The following OR7G2 variants were observed in gnomAD, a reference collection of about 807,000 sequenced individuals.
OR7G2 encodes the protein olfactory receptor family 7 subfamily G member 2, also known as olfactory receptor 7G2.
For missense variants in OR7G2, 362 were observed against 384.0 expected (o/e 0.94, Z 0.48); for synonymous variants, 153 against 152.2 (o/e 1.01, Z -0.04).
rs1466310337 is a variant in OR7G2 at position 9,100,546 on chromosome 19, T to C, written c.*1723A>G. ...ACTGTGCCCAGCCCAGGGCTCCTAT[T>C]CTTTAAACTGGAACCTAAGGTATCC... On this transcript the variant is annotated 3_prime_UTR_variant, in exon 2 of 2. Transcript: ENST00000641081. The C allele has an allele frequency of 6.6e-6, 1 of 152,068 alleles. No homozygotes were observed. Among genetic ancestry groups the C allele is most frequent in the Non-Finnish European group, 1.5e-5 (1 of 68,000 alleles). 9.4% of individuals were successfully genotyped at this position (152,068 alleles called of 1,614,324 possible).
chr19:9,103,467 G>A (rs1291344110), intron 1 of OR7G2, among the ~76,000 whole-genome samples: 3 of 150,868 alleles, frequency 2.0e-5, no homozygotes, highest in Non-Finnish European at 2.9e-5. Flanking sequence ...ATTTACTTAG[G>A]AATGGAGTTT....
chr19:9,105,724 G>A (rs1259448208), intron 1 of OR7G2, among the ~76,000 whole-genome samples: 1 of 152,006 alleles, frequency 6.6e-6, no homozygotes, highest in East Asian at 1.9e-4. Context: ...GCATGCACCT[G>A]CAATCCCAGC....
Position 9,103,099 on chromosome 19 carries a change from C to A in OR7G2, c.145G>T (p.Val49Phe). 1 of 1,614,036 alleles carries A rather than the reference C, an allele frequency of 6.2e-7. No individual in the cohort carries two copies. The highest frequency in any genetic ancestry group is 8.5e-7 in the Non-Finnish European group (1 of 1,180,006). Residue 49 changes from valine (V) to phenylalanine (F), a missense_variant, in exon 2 of 2, where the codon GTC becomes TTC. Physicochemically the swap from Val to Phe is conservative, Grantham distance 50 (BLOSUM62 -1). Coordinates refer to ENST00000641081, the MANE Select transcript of OR7G2 (RefSeq NM_001005193.2). ...GTGTGGAGGTGAGAGTCAGAGATGA[C>A]AGCCAAGAGGATGAGCAGGTTCCCC... ...ILGNLLILLA[V>F]ISDSHLHTPM...
At position 9,102,656 on chromosome 19, in the gene OR7G2, G is replaced by A. The variant is rs1721915129; in HGVS notation, c.588C>T (p.Asn196=). 1.2e-6 allele frequency: 2 copies of A among 1,614,062 alleles called. No individual in the cohort carries two copies. Among genetic ancestry groups the A allele is most frequent in the African/African-American group, 1.3e-5 (1 of 74,928 alleles). The change falls in exon 2 of 2, where the codon AAC becomes AAT. Residue 196 remains asparagine, a synonymous_variant. Transcript: ENST00000641081. ...TGCAAGCTGCAAAATATATCAGGAT[G>A]TTATTGATGAGGGTGTCTGAACAGG... ...QLTCSDTLIN[N]ILIYFAACIF...
At chr19:9,105,079 T>C (rs2050378682) in intron 1 of OR7G2, among the ~76,000 whole-genome samples, 1 of 151,916 alleles carries the variant, frequency 6.6e-6, no homozygotes, top group African/African-American at 2.4e-5. Context: ...CAAGCTATTT[T>C]CCTGCCTCGT....
intron 1 of OR7G2, 72 bp from the exon 2 acceptor site, chr19:9,103,331 A>C (rs1383304338): frequency 6.6e-7 from 1 of 1,523,564 alleles, no homozygotes; most frequent in Admixed American, 1.7e-5. Flanking sequence ...ACAGAAACGC[A>C]AAATCTTGCT....
chr19:9,105,755 G>T (rs760881033), intron 1 of OR7G2, among the ~76,000 whole-genome samples: 3 of 152,032 alleles, frequency 2.0e-5, no homozygotes, highest in Non-Finnish European at 4.4e-5. Flanking sequence ...GCTGAGGCAG[G>T]AGAATCTCTT....
At chr19:9,105,076 T>G (rs1480631396) in intron 1 of OR7G2, among the ~76,000 whole-genome samples, 1 of 151,914 alleles carries the variant, frequency 6.6e-6, no homozygotes, top group Non-Finnish European at 1.5e-5. Context: ...GTTCAAGCTA[T>G]TTTCCTGCCT....
At position 9,103,051 on chromosome 19, in the gene OR7G2, T is replaced by C; in HGVS notation, c.193A>G (p.Asn65Asp). ...AAACAAATGTCCAAAAAGGAGAGAT[T>C]GGAGAGGAAGAAGTACATGGGGGTG... ...LHTPMYFFLS[N>D]LSFLDICLST... Residue 65 changes from asparagine (N) to aspartate (D), a missense_variant, in exon 2 of 2, where the codon AAT (asparagine) becomes GAT (aspartate). Transcript: ENST00000641081. 6.2e-7 allele frequency: 1 copy of C among 1,613,798 alleles called. No individual in the cohort carries two copies. The highest frequency in any genetic ancestry group is 1.6e-4 in the Middle Eastern group (1 of 6,062).
Position 9,102,218 on chromosome 19 carries a change from CA to C in OR7G2, c.*50del. ...CTCCATCTCAGAGAAAAAAACAAAA[CA>C]AAACAAAGAGTCAGGCATTCTAGCT... On this transcript the variant is annotated 3_prime_UTR_variant, in exon 2 of 2. Transcript: ENST00000641081. 1 of 1,501,194 alleles carries C rather than the reference CA, an allele frequency of 6.7e-7. No homozygotes were observed. The highest frequency in any genetic ancestry group is 1.9e-4 in the Middle Eastern group (1 of 5,340). 93.0% of individuals were successfully genotyped at this position (1,501,194 alleles called of 1,614,324 possible). A position where few individuals can be genotyped will look rare whatever the true frequency, so the allele number is the denominator to read the frequency against.
chr19:9,102,434 C>CGGAA lies in OR7G2; in HGVS notation c.809_810insTTCC (p.Lys270AsnfsTer23). On this transcript the variant is annotated frameshift_variant, in exon 2 of 2. Transcript: ENST00000641081. LOFTEE classifies it low-confidence loss of function (END_TRUNC). ...AATACATCACTGAAGCCACTGCAGT[C>CGGAA]TTCCTAGGTGAGTCAGTAACCACAG... The CGGAA allele has an allele frequency of 6.2e-7, 1 of 1,614,062 alleles. No individual in the cohort carries two copies.
At chr19:9,103,790 A>G (rs13346464) in intron 1 of OR7G2, among the ~76,000 whole-genome samples, 43,642 of 150,568 alleles carry the variant, frequency 0.29, 7,161 homozygotes, top group East Asian at 0.59. Flanking sequence ...CAGCCTCCCA[A>G]AGTGCTGGGA....
rs140006700 is a variant in OR7G2 at position 9,102,318 on chromosome 19, G to T, written c.926C>A (p.Pro309His). The change falls in exon 2 of 2, where the codon CCT becomes CAT. Residue 309 changes from proline to histidine, a missense_variant. Coordinates refer to ENST00000641081, the MANE Select transcript of OR7G2 (RefSeq NM_001005193.2). Reference sequence around the variant, plus strand: ...GCAAATGGCACACCACAGAAGAGAAGGTATCCTCCCTATGAACTTCCTCAA... The same window carrying T: ...GCAAATGGCACACCACAGAAGAGAATGTATCCTCCCTATGAACTTCCTCAA... ...GTLRKFIGRI[P>H]SLLWCAICFG... 1 of 1,613,604 alleles carries T rather than the reference G, an allele frequency of 6.2e-7. No individual in the cohort carries two copies. Among genetic ancestry groups the T allele is most frequent in the South Asian group, 1.1e-5 (1 of 91,004 alleles).
At position 9,103,252 on chromosome 19, in the gene OR7G2, T is replaced by C; in HGVS notation, c.-9A>G. Reference sequence around the variant, plus strand: ...TGGTTTCTCGCTTCCATGCTGTTGATGATGAATCTGATGGAAAAGATAATA... The same window carrying C: ...TGGTTTCTCGCTTCCATGCTGTTGACGATGAATCTGATGGAAAAGATAATA... On this transcript the variant is annotated 5_prime_UTR_variant, in exon 2 of 2. Transcript: ENST00000641081. 6.2e-7 allele frequency: 1 copy of C among 1,614,024 alleles called. No homozygotes were observed. Among genetic ancestry groups the C allele is most frequent in the Non-Finnish European group, 8.5e-7 (1 of 1,179,974 alleles).
intron 1 of OR7G2, among the ~76,000 whole-genome samples, chr19:9,104,832 A>C (rs1454834109): frequency 1.3e-5 from 2 of 152,016 alleles, no homozygotes; most frequent in African/African-American, 4.8e-5. Flanking sequence ...ATCTCAAAAA[A>C]CAAACAAACA....
intron 1 of OR7G2, among the ~76,000 whole-genome samples, chr19:9,106,967 G>A (rs989117313): frequency 6.6e-6 from 1 of 151,984 alleles, no homozygotes; most frequent in African/African-American, 2.4e-5. Context: ...TCCTTTGGGA[G>A]GCTGAGGCGG....
In OR7G2 at chr19:9,101,934, G is replaced by A. The variant is rs985076710; in HGVS notation, c.*335C>T. On this transcript the variant is annotated 3_prime_UTR_variant, in exon 2 of 2. Transcript: ENST00000641081. ...AAGAGTCAGGCAGGCTGGGCGCATTGTCTCACGCCTGTAATCCCAGCACTT... is the reference window on the plus strand; with the variant it reads ...AAGAGTCAGGCAGGCTGGGCGCATTATCTCACGCCTGTAATCCCAGCACTT... 1 of 205,752 alleles carries A rather than the reference G, an allele frequency of 4.9e-6. No homozygotes were observed. The highest frequency in any genetic ancestry group is 9.8e-6 in the Non-Finnish European group (1 of 102,372). 12.7% of individuals were successfully genotyped at this position (205,752 alleles called of 1,614,324 possible). A position where few individuals can be genotyped will look rare whatever the true frequency, so the allele number is the denominator to read the frequency against.
At position 9,100,906 on chromosome 19, in the gene OR7G2, T is replaced by C. The variant is rs79636535; in HGVS notation, c.*1363A>G. The C allele has an allele frequency of 6.6e-6, 1 of 152,064 alleles. No homozygotes were observed. Among genetic ancestry groups the C allele is most frequent in the Non-Finnish European group, 1.5e-5 (1 of 68,052 alleles). The allele number at this position is 152,064 out of a possible 1,614,324, so 9.4% of individuals were successfully genotyped here. On this transcript the variant is annotated 3_prime_UTR_variant, in exon 2 of 2. Coordinates refer to ENST00000641081, the MANE Select transcript of OR7G2 (RefSeq NM_001005193.2). ...CTAATCTCAGATCTTTGGGAGGCCA[T>C]GGCAGGAGGATCACTTGAACCTAGG...
intron 1 of OR7G2, among the ~76,000 whole-genome samples, chr19:9,104,993 T>C (rs1305595299): frequency 2.0e-5 from 3 of 151,788 alleles, no homozygotes; most frequent in South Asian, 2.1e-4. Context: ...TTTTTCGAGA[T>C]GGAGTCTTGC....
Sources: gnomAD v4.1 joint callset for allele counts (sites outside exome capture counted in the v4.1 genomes callset) on GRCh38, gnomAD v4.1.1 for gene constraint, MANE v1.5 for transcripts, NCBI Gene and HGNC (gene_info 2026-07-23, HGNC 2026-07-21) for gene names.